Variants in TAF3 observed in about 807,000 individuals in gnomAD.
TAF3 encodes the protein transcription initiation factor TFIID subunit 3.
Under a neutral mutation model 80.6 loss-of-function variants are expected in TAF3, and 7 were observed. The observed-to-expected ratio is 0.09, with a 90% CI of 0.05 to 0.16. The LOEUF is 0.16. Ranked by LOEUF, TAF3 falls within the 10% of genes least tolerant of loss-of-function variation. The pLI is 1.00. For missense variants in TAF3, 921 were observed against 1,140.2 expected (o/e 0.81, Z 2.77); for synonymous variants, 444 against 446.1 (o/e 1.00, Z 0.06).
chr10:7,865,190 G>A lies in TAF3; in HGVS notation c.409+40630G>A, dbSNP rs992205850. On this transcript the variant is annotated intron_variant, in intron 2 of 6. Transcript: ENST00000344293. ...AATAGTGGTTCAGAAAGTAGGGGCC[G>A]GGCATGGTGGCTCATGCCTGTAATC... is the stretch of plus-strand genomic sequence containing the variant. 3.0e-4 allele frequency among the ~76,000 whole-genome samples: 45 copies of A among 152,120 alleles called. 1 individual carries two copies. The highest frequency in any genetic ancestry group is 3.4e-3 in the Middle Eastern group (1 of 294).
chr10:7,910,395 T>A (rs1201223519), intron 2 of TAF3, among the ~76,000 whole-genome samples: 1 of 152,212 alleles, frequency 6.6e-6, no homozygotes, highest in Non-Finnish European at 1.5e-5. Flanking sequence ...TATTTATTAT[T>A]TTTGAGACAG....
chr10:7,927,079 A>G (rs1368629644), intron 2 of TAF3, among the ~76,000 whole-genome samples: 2 of 152,186 alleles, frequency 1.3e-5, no homozygotes, highest in Non-Finnish European at 1.5e-5. Context: ...TTATCAAATG[A>G]TAAAGAAACA....
intron 6 of TAF3, among the ~76,000 whole-genome samples, chr10:8,014,430 T>C (rs1832084355): frequency 6.6e-6 from 1 of 152,204 alleles, no homozygotes; most frequent in African/African-American, 2.4e-5. Flanking sequence ...AATGAACGGA[T>C]GAGTCTCTGC....
intron 2 of TAF3, among the ~76,000 whole-genome samples, chr10:7,875,259 A>T (rs923063213): frequency 6.6e-6 from 1 of 152,154 alleles, no homozygotes; most frequent in South Asian, 2.1e-4. Flanking sequence ...TGCAGGTAAT[A>T]TAAGCATGTG....
chr10:7,946,824 C>A (rs2131400437), intron 2 of TAF3, among the ~76,000 whole-genome samples: 1 of 152,314 alleles, frequency 6.6e-6, no homozygotes, highest in East Asian at 1.9e-4. Flanking sequence ...GCATGTATCA[C>A]AATGATTATA....
intron 2 of TAF3, among the ~76,000 whole-genome samples, chr10:7,858,374 T>C (rs1414581431): frequency 6.6e-6 from 1 of 152,226 alleles, no homozygotes; most frequent in Non-Finnish European, 1.5e-5. Context: ...TTAGTTTTTC[T>C]TCCTGGCGCT....
At chr10:8,005,284 A>ATTTGATTATC (rs1412130547) in intron 4 of TAF3, among the ~76,000 whole-genome samples, 15 of 152,224 alleles carry the variant, frequency 9.9e-5, no homozygotes, top group African/African-American at 3.4e-4. Flanking sequence ...TTCCTCATAG[A>ATTTGATTATC]TTTGATTATC....
At chr10:7,988,112 A>G (rs1431000162) in intron 4 of TAF3, among the ~76,000 whole-genome samples, 2 of 152,178 alleles carry the variant, frequency 1.3e-5, no homozygotes, top group African/African-American at 4.8e-5. Flanking sequence ...TAAGTAACCA[A>G]TTTTTAAAAA....
chr10:7,873,939 G>T (rs1012712968), intron 2 of TAF3, among the ~76,000 whole-genome samples: 3 of 152,258 alleles, frequency 2.0e-5, no homozygotes, highest in Middle Eastern at 6.8e-3. Context: ...CATGATTACC[G>T]CTGTGTTTCC....
intron 4 of TAF3, among the ~76,000 whole-genome samples, chr10:7,990,157 C>A (rs1300377551): frequency 1.3e-5 from 2 of 152,152 alleles, no homozygotes; most frequent in African/African-American, 2.4e-5. Flanking sequence ...TATAACCCAA[C>A]TGAGAAATGC....
At chr10:7,823,704 G>A (rs1463543968) in intron 1 of TAF3, among the ~76,000 whole-genome samples, 2 of 148,380 alleles carry the variant, frequency 1.3e-5, no homozygotes, top group African/African-American at 2.5e-5. Context: ...GCACGATCTC[G>A]GCTCACTGCA....
At chr10:7,933,877 G>A (rs766155079) in intron 2 of TAF3, among the ~76,000 whole-genome samples, 5 of 152,278 alleles carry the variant, frequency 3.3e-5, no homozygotes, top group South Asian at 2.1e-4. Flanking sequence ...AAAGATGCAC[G>A]TTTTCCCCCC....
At chr10:7,952,267 A>G (rs1370667519) in intron 2 of TAF3, among the ~76,000 whole-genome samples, 1 of 151,220 alleles carries the variant, frequency 6.6e-6, no homozygotes, top group Admixed American at 6.6e-5. Context: ...ATTTCTTGCA[A>G]AAAAAAAATC....
chr10:7,819,379 C>T (rs922715375), intron 1 of TAF3, among the ~76,000 whole-genome samples: 3 of 152,148 alleles, frequency 2.0e-5, no homozygotes, highest in African/African-American at 7.2e-5. Context: ...GACACTGCCT[C>T]GTCTTTCTGT....
At chr10:7,839,369 T>C (rs907533475) in intron 2 of TAF3, among the ~76,000 whole-genome samples, 2 of 152,106 alleles carry the variant, frequency 1.3e-5, no homozygotes, top group Non-Finnish European at 2.9e-5. Context: ...CATTTCACCA[T>C]TTTTTTGGCA....
At chr10:7,822,437 TTTTA>T (rs1485187068) in intron 1 of TAF3, among the ~76,000 whole-genome samples, 4 of 151,962 alleles carry the variant, frequency 2.6e-5, no homozygotes, top group African/African-American at 7.3e-5. Context: ...AGAGTATTCG[TTTTA>T]TTTATTTTCT....
intron 2 of TAF3, among the ~76,000 whole-genome samples, chr10:7,924,627 C>A (rs1158415926): frequency 4.6e-5 from 7 of 152,140 alleles, no homozygotes; most frequent in Non-Finnish European, 1.5e-5. Flanking sequence ...GGTAGTGATC[C>A]TGTGAGTGAA....
chr10:7,947,642 G>A (rs1366856341), intron 2 of TAF3, among the ~76,000 whole-genome samples: 1 of 152,174 alleles, frequency 6.6e-6, no homozygotes, highest in African/African-American at 2.4e-5. Context: ...GAGAGCGTTG[G>A]GGAGAAGCTT....
intron 2 of TAF3, among the ~76,000 whole-genome samples, chr10:7,850,303 A>G (rs1018642553): frequency 2.0e-5 from 3 of 152,244 alleles, no homozygotes; most frequent in Non-Finnish European, 2.9e-5. Context: ...GACGGATAGG[A>G]CAATTCATGA....
Sources: gnomAD v4.1 joint callset for allele counts (sites outside exome capture counted in the v4.1 genomes callset) on GRCh38, gnomAD v4.1.1 for gene constraint, MANE v1.5 for transcripts, NCBI Gene and HGNC (gene_info 2026-07-23, HGNC 2026-07-21) for gene names.